Variants in COG6 observed in about 807,000 individuals in gnomAD.
COG6 encodes conserved oligomeric Golgi complex subunit 6.
A neutral mutation model predicts 88.8 loss-of-function variants in COG6; 74 were observed. The observed-to-expected ratio is 0.83, with a 90% CI of 0.69 to 1.01. COG6 has a LOEUF of 1.01. Ranked by LOEUF, COG6 falls within the 50% of genes least tolerant of loss-of-function variation. The probability of loss-of-function intolerance (pLI) is 0.00; values close to 1 mark genes in which losing one functional copy is unlikely to be tolerated. For missense variants in COG6, 800 were observed against 797.9 expected (o/e 1.00, Z -0.03); for synonymous variants, 286 against 278.7 (o/e 1.03, Z -0.26).
chr13:39,788,213 A>G (rs899575993), intron 18 of COG6: 2 of 990,828 alleles, frequency 2.0e-6, no homozygotes, highest in South Asian at 1.4e-5. Context: ...GGTAATCAGT[A>G]TATGGTCCTG....
chr13:39,723,494 G>A, intron 16 of COG6, 54 bp downstream of exon 16: 2 of 1,014,466 alleles, frequency 2.0e-6, no homozygotes, highest in Non-Finnish European at 3.1e-6. Context: ...TTTAGAGTAT[G>A]TCTTCTAGAG....
intron 8 of COG6, among the ~76,000 whole-genome samples, chr13:39,685,085 T>C (rs1264127363): frequency 2.6e-5 from 4 of 152,196 alleles, no homozygotes; most frequent in Admixed American, 2.6e-4. Flanking sequence ...TTTACTATTA[T>C]CTTTTAATTT....
chr13:39,744,925 C>T lies in COG6; in HGVS notation c.1827-6021C>T, dbSNP rs533424952. Among the ~76,000 whole-genome samples, 6 of 152,244 alleles carry T rather than the reference C, an allele frequency of 3.9e-5. No individual in the cohort carries two copies. In the South Asian group the frequency reaches 1.2e-3, roughly 32 times the overall value. ...AGAGATATAGACCAATGGAACAGAA[C>T]AGAGGCCTCAGAAATAACACCACAC... On this transcript the variant is annotated intron_variant, in intron 18 of 18. Transcript: ENST00000455146.
intron 13 of COG6, among the ~76,000 whole-genome samples, chr13:39,703,367 T>G (rs1458365263): frequency 1.3e-5 from 2 of 152,202 alleles, no homozygotes; most frequent in Non-Finnish European, 2.9e-5. Flanking sequence ...CATTTTAAGA[T>G]ATGTTTTTGG....
At position 39,694,549 on chromosome 13, in the gene COG6, G is replaced by A. The variant is rs1349242335; in HGVS notation, c.1075-85G>A. ...TCTGCAGTAATAAAATTTTATCTTT[G>A]TTATGCTATTCATACCATATGTTAT... On this transcript the variant is annotated intron_variant, in intron 11 of 18. Transcript: ENST00000455146. The A allele has an allele frequency of 1.0e-5, 8 of 799,030 alleles. No homozygotes were observed. The East Asian group carries it at 1.3e-4, about 13-fold the overall frequency. 49.5% of individuals were successfully genotyped at this position (799,030 alleles called of 1,614,324 possible). A position where few individuals can be genotyped will look rare whatever the true frequency, so the allele number is the denominator to read the frequency against.
chr13:39,689,521 A>C (rs1876858128), intron 10 of COG6, among the ~76,000 whole-genome samples: 1 of 152,130 alleles, frequency 6.6e-6, no homozygotes, highest in Non-Finnish European at 1.5e-5. Flanking sequence ...TTATTAACTC[A>C]AAGTCAGATG....
At chr13:39,662,368 T>C (rs4943689) in intron 3 of COG6, among the ~76,000 whole-genome samples, 100,300 of 151,764 alleles carry the variant, frequency 0.66, 33,367 homozygotes, top group Admixed American at 0.77. Flanking sequence ...CTCAAGTGAT[T>C]CACCTACCTC....
chr13:39,712,798 T>A (rs1004554167), intron 13 of COG6, among the ~76,000 whole-genome samples: 15 of 152,222 alleles, frequency 9.9e-5, no homozygotes, highest in African/African-American at 2.9e-4. Flanking sequence ...GGAAGTAATG[T>A]GGCCATGTTT....
chr13:39,763,883 A>G (rs1359818252), intron 18 of COG6, among the ~76,000 whole-genome samples: 1 of 151,662 alleles, frequency 6.6e-6, no homozygotes, highest in Non-Finnish European at 1.5e-5. Flanking sequence ...CCTTTGTTTA[A>G]AGGTCTTTGT....
chr13:39,739,340 C>T (rs1232422798), intron 18 of COG6, among the ~76,000 whole-genome samples: 4 of 151,700 alleles, frequency 2.6e-5, no homozygotes, highest in East Asian at 3.9e-4. Flanking sequence ...AAAAGCAAAC[C>T]GCAGTTCACC....
intron 3 of COG6, among the ~76,000 whole-genome samples, chr13:39,661,515 C>T (rs1874896844): frequency 6.6e-6 from 1 of 152,156 alleles, no homozygotes; most frequent in Non-Finnish European, 1.5e-5. Context: ...TAGGAAGAAT[C>T]ATTAATGCAT....
Position 39,679,566 on chromosome 13 carries a change from A to G in COG6, c.569A>G (p.Lys190Arg). The change falls in exon 6 of 19, where the codon AAA becomes AGA. Residue 190 changes from lysine to arginine, a missense_variant. Lys to Arg is a conservative substitution (Grantham distance 26, BLOSUM62 2). Coordinates refer to ENST00000455146, the MANE Select transcript of COG6 (RefSeq NM_020751.3). ...EDFFKALGRV[K>R]QIHNDVKVLL... ...TTTTTCAAGGCACTGGGAAGAGTAA[A>G]ACAGATTCATAATGATGTCAAAGTT... The G allele has an allele frequency of 6.2e-7, 1 of 1,605,386 alleles. No individual in the cohort carries two copies. Among genetic ancestry groups the G allele is most frequent in the Non-Finnish European group, 8.5e-7 (1 of 1,172,180 alleles).
rs184053416 is a variant in COG6, at chr13:39,685,573, C to A, written c.789-1930C>A. On this transcript the variant is annotated intron_variant, in intron 8 of 18. Coordinates refer to ENST00000455146, the MANE Select transcript of COG6 (RefSeq NM_020751.3). ...TGGACAGTCCTAGAAACAAATTATG[C>A]TGTTTATTTTTAATATAGTTAGTAG... 2.0e-5 allele frequency among the ~76,000 whole-genome samples: 3 copies of A among 152,200 alleles called. No individual in the cohort carries two copies. The East Asian group carries it at 5.8e-4, about 29-fold the overall frequency.
chr13:39,720,793 C>T (rs1878811113), intron 15 of COG6, among the ~76,000 whole-genome samples: 1 of 151,702 alleles, frequency 6.6e-6, no homozygotes. Flanking sequence ...AGTTTTTTGT[C>T]TAATGTATTA....
Position 39,659,255 on chromosome 13 carries a change from G to A in COG6, c.154-109G>A, listed in dbSNP as rs1874734511. Reference sequence around the variant, plus strand: ...AAGGTCATTCAATATTTTTCGGATTGGTTAATGAAAATAAATCATTTGAAA... The same window carrying A: ...AAGGTCATTCAATATTTTTCGGATTAGTTAATGAAAATAAATCATTTGAAA... On this transcript the variant is annotated intron_variant, in intron 1 of 18. Coordinates refer to ENST00000455146, the MANE Select transcript of COG6 (RefSeq NM_020751.3). 1.1e-5 allele frequency: 11 copies of A among 1,040,208 alleles called. No homozygotes were observed. In the East Asian group the frequency reaches 2.8e-4, roughly 27 times the overall value. The allele number at this position is 1,040,208 out of a possible 1,614,324, so 64.4% of individuals were successfully genotyped here.
At position 39,751,671 on chromosome 13, in the gene COG6, A is replaced by T; in HGVS notation, c.*578A>T. 1 of 1,286,838 alleles carries T rather than the reference A, an allele frequency of 7.8e-7. No homozygotes were observed. The highest frequency in any genetic ancestry group is 1.0e-6 in the Non-Finnish European group (1 of 988,422). 79.7% of individuals were successfully genotyped at this position (1,286,838 alleles called of 1,614,324 possible). A position where few individuals can be genotyped will look rare whatever the true frequency, so the allele number is the denominator to read the frequency against. On this transcript the variant is annotated 3_prime_UTR_variant, in exon 19 of 19. Transcript: ENST00000455146. Reference sequence around the variant, plus strand: ...TGGCAGTGAATCTCCTTTCTGTTCTACTTTAGCATACTATATATATTTGAC... The same window carrying T: ...TGGCAGTGAATCTCCTTTCTGTTCTTCTTTAGCATACTATATATATTTGAC...
chr13:39,761,871 A>G (rs1219557311), intron 18 of COG6, among the ~76,000 whole-genome samples: 2 of 151,840 alleles, frequency 1.3e-5, no homozygotes, highest in Non-Finnish European at 3.0e-5. Context: ...GAGAAAAAAT[A>G]ACAAATGTTG....
chr13:39,765,693 C>G (rs1881143924), intron 18 of COG6, among the ~76,000 whole-genome samples: 1 of 152,092 alleles, frequency 6.6e-6, no homozygotes, highest in South Asian at 2.1e-4. Flanking sequence ...ACTGGGTAGA[C>G]ATCCTGCTTT....
chr13:39,679,452 G>A, intron 5 of COG6, 86 bp from the exon 6 acceptor site: 3 of 786,950 alleles, frequency 3.8e-6, no homozygotes, highest in Middle Eastern at 4.5e-4. Context: ...GAAAGAGTTT[G>A]TTTGCCCTTG....
Sources: gnomAD v4.1 joint callset for allele counts (sites outside exome capture counted in the v4.1 genomes callset) on GRCh38, gnomAD v4.1.1 for gene constraint, MANE v1.5 for transcripts, NCBI Gene and HGNC (gene_info 2026-07-23, HGNC 2026-07-21) for gene names.